WRN: variants seen among roughly 807,000 people sequenced by gnomAD.
WRN encodes bifunctional 3'-5' exonuclease/ATP-dependent helicase WRN.
WRN carries 149 observed loss-of-function variants against 180.7 expected under a neutral mutation model. That is an observed-to-expected ratio of 0.82 (90% CI 0.72 to 0.94). The LOEUF (loss-of-function observed/expected upper bound fraction) is 0.94, where lower values mean the gene tolerates loss of function less well. WRN is among the 40% of genes least tolerant of loss of function. WRN has a pLI of 0.00. For synonymous variants in WRN, 548 were observed against 568.9 expected, an observed-to-expected ratio of 0.96 and a Z score of 0.52; for missense variants, 1,661 against 1,700.1, an observed-to-expected ratio of 0.98 and a Z score of 0.40.
At chr8:31,084,400 G>A (rs192325755) in intron 10 of WRN, among the ~76,000 whole-genome samples, 12 of 152,214 alleles carry the variant, frequency 7.9e-5, no homozygotes, top group African/African-American at 2.2e-4. Context: ...TAAATAAGAA[G>A]TAAAATAACT....
At chr8:31,140,746 TTTTTG>T (rs958814849) in intron 24 of WRN, among the ~76,000 whole-genome samples, 2 of 152,004 alleles carry the variant, frequency 1.3e-5, no homozygotes, top group Non-Finnish European at 2.9e-5. Flanking sequence ...GCATTGCGTT[TTTTTG>T]TTTTGTTTTG....
intron 21 of WRN, among the ~76,000 whole-genome samples, chr8:31,122,866 T>TG (rs1801776614): frequency 7.7e-6 from 1 of 130,472 alleles, no homozygotes; most frequent in Non-Finnish European, 1.6e-5. Context: ...TCTTGTTTTT[T>TG]TTTTTTTTTT....
chr8:31,066,917 G>T (rs757902005), intron 5 of WRN, 116 bp from the exon 6 acceptor site: 3 of 1,275,670 alleles, frequency 2.4e-6, no homozygotes, highest in Non-Finnish European at 3.4e-6. Flanking sequence ...CTATCTGTGG[G>T]TTGTATTTTG....
rs1372154938 is a variant in WRN at position 31,175,869 on chromosome 8, C to T, written c.*2767C>T. ...TTAAAAGTATTTATGTTAATGTGTA[C>T]TTGGTTTACTACTGCTATTTTTAAA... On this transcript the variant is annotated 3_prime_UTR_variant, in exon 35 of 35. Transcript: ENST00000298139. 1.3e-5 allele frequency among the ~76,000 whole-genome samples: 2 copies of T among 152,148 alleles called. No individual in the cohort carries two copies. The highest frequency in any genetic ancestry group is 6.5e-5 in the Admixed American group (1 of 15,274).
At chr8:31,102,769 T>C (rs553358477) in intron 18 of WRN, among the ~76,000 whole-genome samples, 12 of 152,334 alleles carry the variant, frequency 7.9e-5, no homozygotes, top group African/African-American at 2.9e-4. Flanking sequence ...CTGTAGACTT[T>C]ATACATATTG....
Position 31,142,615 on chromosome 8 carries a change from T to C in WRN, c.3234-11T>C, listed in dbSNP as rs1292434501. On this transcript the variant is annotated splice_polypyrimidine_tract_variant and intron_variant, in intron 26 of 34. Transcript: ENST00000298139. ...TAACATTTGAAATAATTTAATTTTA[T>C]TATTTTTTAGTTCGAAAACTGTATC... is the stretch of plus-strand genomic sequence containing the variant. 1 of 1,579,882 alleles carries C rather than the reference T, an allele frequency of 6.3e-7. No homozygotes were observed. The highest frequency in any genetic ancestry group is 1.2e-5 in the South Asian group (1 of 84,436).
intron 6 of WRN, 93 bp from the exon 7 acceptor site, chr8:31,068,165 G>T (rs753665649): frequency 8.8e-6 from 8 of 912,418 alleles, no homozygotes; most frequent in Non-Finnish European, 1.2e-5. Flanking sequence ...GGTGCTTTGT[G>T]AATCATTCTC....
At chr8:31,071,570 C>T (rs1376597899) in intron 7 of WRN, among the ~76,000 whole-genome samples, 3 of 152,154 alleles carry the variant, frequency 2.0e-5, no homozygotes, top group Non-Finnish European at 2.9e-5. Flanking sequence ...CAGCTTCCAC[C>T]TCCTGGGTTC....
Position 31,149,455 on chromosome 8 carries a change from G to GTTTTTTTTTTTTTTT in WRN, c.3573-864_3573-850dup, listed in dbSNP as rs71208105. On this transcript the variant is annotated intron_variant, in intron 30 of 34. Transcript: ENST00000298139. ...TCTAAGACCATACTTTAATAGAGGTGTTTTTTTTTTTTTTTTTTTTTTTTT... is the reference window on the plus strand; with the variant it reads ...TCTAAGACCATACTTTAATAGAGGTGTTTTTTTTTTTTTTTTTTTTTTTTTTTTTTTTTTTTTTTT... Among the ~76,000 whole-genome samples, 2 of 51,976 alleles carry GTTTTTTTTTTTTTTT rather than the reference G, an allele frequency of 3.8e-5. 1 individual carries two copies. The highest frequency in any genetic ancestry group is 1.5e-4 in the African/African-American group (2 of 13,006). The allele number at this position is 51,976 out of a possible 152,430, so 34.1% of individuals were successfully genotyped here.
In WRN at chr8:31,147,145, A is replaced by G. The variant is rs781132008; in HGVS notation, c.3459+17A>G. Reference sequence around the variant, plus strand: ...GAGACTCAGGTAAGGCTTTTGTAAAAAGGTAATTAGTTTATGATAGGATAG... The same window carrying G: ...GAGACTCAGGTAAGGCTTTTGTAAAGAGGTAATTAGTTTATGATAGGATAG... On this transcript the variant is annotated intron_variant, in intron 29 of 34. Transcript: ENST00000298139. The G allele has an allele frequency of 1.4e-5, 23 of 1,610,936 alleles. No homozygotes were observed. The highest frequency in any genetic ancestry group is 5.3e-5 in the African/African-American group (4 of 74,866).
chr8:31,134,235 TC>T (rs1400518042), intron 24 of WRN, among the ~76,000 whole-genome samples: 4 of 152,230 alleles, frequency 2.6e-5, no homozygotes, highest in African/African-American at 7.2e-5. Flanking sequence ...AGTGAAATGT[TC>T]CCTTTAACCA....
intron 10 of WRN, among the ~76,000 whole-genome samples, chr8:31,084,293 C>T (rs190686786): frequency 1.3e-5 from 2 of 152,304 alleles, no homozygotes; most frequent in Admixed American, 1.3e-4. Context: ...GCCACCACAC[C>T]TGGCCTTGGA....
At chr8:31,117,607 G>A (rs925747615) in intron 20 of WRN, among the ~76,000 whole-genome samples, 2 of 152,068 alleles carry the variant, frequency 1.3e-5, no homozygotes, top group South Asian at 2.1e-4. Flanking sequence ...CTATAAGTCC[G>A]AGGAAGAGCC....
At chr8:31,051,139 A>G (rs2129966539) in intron 1 of WRN, among the ~76,000 whole-genome samples, 1 of 152,130 alleles carries the variant, frequency 6.6e-6, no homozygotes. Context: ...CCCTCAAGCA[A>G]TTAGGCAAGT....
chr8:31,052,196 C>T (rs971758598), intron 1 of WRN, among the ~76,000 whole-genome samples: 1 of 152,068 alleles, frequency 6.6e-6, no homozygotes, highest in Non-Finnish European at 1.5e-5. Flanking sequence ...ATTATTTTCC[C>T]ATTTTATTGA....
intron 21 of WRN, 58 bp downstream of exon 21, chr8:31,120,482 C>G (rs1460430132): frequency 6.5e-7 from 1 of 1,527,738 alleles, no homozygotes. Flanking sequence ...TCCATATAAA[C>G]CTCAAAAGTG....
At chr8:31,141,043 T>A (rs188589141) in intron 24 of WRN, among the ~76,000 whole-genome samples, 109 of 152,244 alleles carry the variant, frequency 7.2e-4, no homozygotes, top group African/African-American at 2.2e-3. Flanking sequence ...GCATGCCGCA[T>A]TGCGTTTTAT....
intron 3 of WRN, among the ~76,000 whole-genome samples, chr8:31,059,560 A>G (rs1358633239): frequency 1.3e-5 from 2 of 152,150 alleles, no homozygotes; most frequent in Admixed American, 6.5e-5. Flanking sequence ...TTCAGTACTT[A>G]AGATGTTATA....
intron 1 of WRN, among the ~76,000 whole-genome samples, chr8:31,050,948 A>T (rs1812055987): frequency 6.6e-6 from 1 of 152,174 alleles, no homozygotes; most frequent in East Asian, 1.9e-4. Context: ...AACCATTTTA[A>T]ATAGTAAGTG....
Sources: gnomAD v4.1 joint callset for allele counts (sites outside exome capture counted in the v4.1 genomes callset) on GRCh38, gnomAD v4.1.1 for gene constraint, MANE v1.5 for transcripts, NCBI Gene and HGNC (gene_info 2026-07-23, HGNC 2026-07-21) for gene names.